ZCWPW2: variants seen among roughly 807,000 people sequenced by gnomAD.
ZCWPW2 encodes the protein zinc finger CW-type PWWP domain protein 2.
ZCWPW2 carries 45 observed loss-of-function variants against 46.6 expected under a neutral mutation model. The observed-to-expected ratio is 0.96, with a 90% CI of 0.76 to 1.24. The LOEUF is 1.24. Ranked by LOEUF, ZCWPW2 falls within the 50% of genes most tolerant of loss-of-function variation. ZCWPW2 has a pLI of 0.00. For synonymous variants in ZCWPW2, 152 were observed against 137.1 expected (o/e 1.11, Z -0.76); for missense variants, 429 against 403.9 (o/e 1.06, Z -0.53).
rs200367218 is a variant in ZCWPW2 at position 28,478,793 on chromosome 3, C to T, written c.493-21C>T. 9.3e-5 allele frequency: 124 copies of T among 1,334,774 alleles called. No individual in the cohort carries two copies. In the African/African-American group the frequency reaches 1.2e-3, roughly 13 times the overall value. 82.7% of individuals were successfully genotyped at this position (1,334,774 alleles called of 1,614,324 possible). A position where few individuals can be genotyped will look rare whatever the true frequency, so the allele number is the denominator to read the frequency against. On this transcript the variant is annotated intron_variant, in intron 4 of 9. Transcript: ENST00000383768. Reference sequence around the variant, plus strand: ...TATATATTTAAAAATGAATTTTTTTCTTTTTTCTGTATTTATATAGCCAGA... The same window carrying T: ...TATATATTTAAAAATGAATTTTTTTTTTTTTTCTGTATTTATATAGCCAGA...
chr3:28,387,330 T>G (rs1332494736), intron 1 of ZCWPW2, among the ~76,000 whole-genome samples: 4 of 152,160 alleles, frequency 2.6e-5, no homozygotes, highest in African/African-American at 9.7e-5. Context: ...TTTCTACAGA[T>G]CTGAGGGTAC....
At chr3:28,476,269 T>TA (rs912602717) in intron 4 of ZCWPW2, among the ~76,000 whole-genome samples, 16 of 151,608 alleles carry the variant, frequency 1.1e-4, no homozygotes, top group East Asian at 3.9e-4. Context: ...CTTCTTCAAT[T>TA]AAAAAAAAGT....
intron 4 of ZCWPW2, among the ~76,000 whole-genome samples, chr3:28,445,968 G>A (rs1324118448): frequency 6.6e-6 from 1 of 152,096 alleles, no homozygotes; most frequent in Admixed American, 6.6e-5. Flanking sequence ...GTTCAATATA[G>A]CAAGAAGAGA....
At chr3:28,478,981 T>C (rs762009661) in intron 5 of ZCWPW2, 50 bp downstream of exon 5, 52 of 1,234,530 alleles carry the variant, frequency 4.2e-5, no homozygotes, top group East Asian at 2.0e-4. Context: ...TTTATTCAAA[T>C]GCATGTTTTC....
At chr3:28,376,249 A>G (rs1292361158) in intron 1 of ZCWPW2, among the ~76,000 whole-genome samples, 3 of 152,132 alleles carry the variant, frequency 2.0e-5, no homozygotes, top group African/African-American at 7.2e-5. Context: ...AACATCTTAT[A>G]GATGTTATTT....
At chr3:28,383,906 A>G (rs577305605) in intron 1 of ZCWPW2, among the ~76,000 whole-genome samples, 1 of 152,248 alleles carries the variant, frequency 6.6e-6, no homozygotes, top group Non-Finnish European at 1.5e-5. Context: ...ATTGGATGGT[A>G]TGGGTACCCT....
chr3:28,488,893 G>C (rs1052941518), intron 5 of ZCWPW2, among the ~76,000 whole-genome samples: 1 of 152,078 alleles, frequency 6.6e-6, no homozygotes, highest in Non-Finnish European at 1.5e-5. Flanking sequence ...GTTAATTTTT[G>C]CTAAAGTTGA....
intron 4 of ZCWPW2, among the ~76,000 whole-genome samples, chr3:28,446,008 G>T (rs1697976932): frequency 6.6e-6 from 1 of 152,068 alleles, no homozygotes; most frequent in Admixed American, 6.5e-5. Flanking sequence ...TCTGTTAAAA[G>T]ATTATTAAAA....
intron 1 of ZCWPW2, among the ~76,000 whole-genome samples, chr3:28,360,975 C>A (rs1028510477): frequency 1.3e-5 from 2 of 152,014 alleles, no homozygotes; most frequent in Non-Finnish European, 2.9e-5. Flanking sequence ...ACACACATAG[C>A]CCAAACGTAA....
intron 2 of ZCWPW2, among the ~76,000 whole-genome samples, chr3:28,410,822 C>A (rs1175999558): frequency 6.6e-6 from 1 of 151,598 alleles, no homozygotes; most frequent in Non-Finnish European, 1.5e-5. Context: ...AAATAGAATT[C>A]AAAAAACTGA....
At chr3:28,476,452 T>C (rs1382968564) in intron 4 of ZCWPW2, among the ~76,000 whole-genome samples, 1 of 152,138 alleles carries the variant, frequency 6.6e-6, no homozygotes. Context: ...AACAAACCTT[T>C]TCAGTTCCCC....
intron 2 of ZCWPW2, among the ~76,000 whole-genome samples, chr3:28,394,659 A>G (rs1475530258): frequency 2.6e-5 from 4 of 152,148 alleles, no homozygotes; most frequent in African/African-American, 9.6e-5. Context: ...CAATGGGGAC[A>G]AGAATAGTGT....
rs757444282 is a variant in ZCWPW2 at position 28,478,859 on chromosome 3, C to A, written c.538C>A (p.Gln180Lys). The A allele has an allele frequency of 1.9e-6, 3 of 1,584,250 alleles. No homozygotes were observed. The highest frequency in any genetic ancestry group is 2.6e-6 in the Non-Finnish European group (3 of 1,168,290). Residue 180 changes from glutamine (Q) to lysine (K), a missense_variant, in exon 5 of 10, where the codon CAA (glutamine) becomes AAA (lysine). Coordinates refer to ENST00000383768, the MANE Select transcript of ZCWPW2 (RefSeq NM_001040432.4). The stretch of plus-strand genomic sequence containing the variant: ...AAAGAAGTGGTATAAAAGTGCACTA[C>A]AAGAAGCATGTCTACTCTATGGATA... ...NKKKWYKSAL[Q>K]EACLLYGYSH...
chr3:28,417,401 A>G (rs1207309801), intron 3 of ZCWPW2, among the ~76,000 whole-genome samples: 1 of 152,106 alleles, frequency 6.6e-6, no homozygotes, highest in Admixed American at 6.6e-5. Flanking sequence ...AAAGTCCAGG[A>G]CCAGATGGAT....
intron 4 of ZCWPW2, among the ~76,000 whole-genome samples, chr3:28,470,510 A>AAAAAAAAG: frequency 7.0e-6 from 1 of 142,518 alleles, no homozygotes; most frequent in Non-Finnish European, 1.5e-5. Context: ...AAAAAAAAAA[A>AAAAAAAAG]AAGGAAGGAA....
At chr3:28,459,225 C>T (rs1476776232) in intron 4 of ZCWPW2, among the ~76,000 whole-genome samples, 4 of 152,040 alleles carry the variant, frequency 2.6e-5, no homozygotes, top group Non-Finnish European at 5.9e-5. Context: ...AAAAAATTAG[C>T]CAGGCATGCT....
chr3:28,512,074 T>C (rs1036580052), intron 6 of ZCWPW2, among the ~76,000 whole-genome samples: 1 of 152,190 alleles, frequency 6.6e-6, no homozygotes, highest in East Asian at 1.9e-4. Context: ...TAATTGAAGA[T>C]ATGTTCCTGG....
At chr3:28,402,881 A>C (rs906842613) in intron 2 of ZCWPW2, among the ~76,000 whole-genome samples, 8 of 152,202 alleles carry the variant, frequency 5.3e-5, no homozygotes, top group Admixed American at 2.0e-4. Flanking sequence ...CAAAATCAGC[A>C]TACAAGGAGC....
At chr3:28,481,932 G>A (rs1289510375) in intron 5 of ZCWPW2, among the ~76,000 whole-genome samples, 1 of 151,926 alleles carries the variant, frequency 6.6e-6, no homozygotes, top group African/African-American at 2.4e-5. Context: ...CAACCTCCCC[G>A]ACTGTCAACA....
Sources: gnomAD v4.1 joint callset for allele counts (sites outside exome capture counted in the v4.1 genomes callset) on GRCh38, gnomAD v4.1.1 for gene constraint, MANE v1.5 for transcripts, NCBI Gene and HGNC (gene_info 2026-07-23, HGNC 2026-07-21) for gene names.